TBC1D32: variants seen among roughly 807,000 people sequenced by gnomAD.
TBC1D32 encodes the protein TBC1 domain family member 32.
Under a neutral mutation model 170.3 loss-of-function variants are expected in TBC1D32, and 151 were observed. That is an observed-to-expected ratio of 0.89 (90% CI 0.78 to 1.01). The LOEUF (loss-of-function observed/expected upper bound fraction) is 1.01, where lower values mean the gene tolerates loss of function less well. TBC1D32 is among the 50% of genes least tolerant of loss of function. The pLI, the probability that TBC1D32 is intolerant of heterozygous loss-of-function variation, is 0.00. For synonymous variants in TBC1D32, 498 were observed against 488.0 expected, an observed-to-expected ratio of 1.02 and a Z score of -0.27; for missense variants, 1,464 against 1,457.1, an observed-to-expected ratio of 1.00 and a Z score of -0.08.
intron 4 of TBC1D32, among the ~76,000 whole-genome samples, chr6:121,309,051 G>A (rs557362388): frequency 6.6e-6 from 1 of 152,178 alleles, no homozygotes; most frequent in African/African-American, 2.4e-5. Flanking sequence ...CAGACACTCT[G>A]AACCAGGGCC....
chr6:121,241,799 T>C (rs1797014945), intron 18 of TBC1D32, among the ~76,000 whole-genome samples: 2 of 152,192 alleles, frequency 1.3e-5, no homozygotes, highest in South Asian at 4.1e-4. Context: ...TATTTAATAG[T>C]AGAATAATAG....
At chr6:121,082,296 C>T (rs1775718947) in intron 31 of TBC1D32, among the ~76,000 whole-genome samples, 1 of 151,962 alleles carries the variant, frequency 6.6e-6, no homozygotes, top group African/African-American at 2.4e-5. Context: ...ATTCCTGTCC[C>T]ATTAAAAATA....
At chr6:121,205,740 G>A (rs1355229122) in intron 21 of TBC1D32, among the ~76,000 whole-genome samples, 1 of 152,058 alleles carries the variant, frequency 6.6e-6, no homozygotes, top group East Asian at 1.9e-4. Flanking sequence ...AAATCACTAT[G>A]TCTAGGGGTG....
intron 20 of TBC1D32, among the ~76,000 whole-genome samples, chr6:121,227,782 G>T (rs1487119445): frequency 1.3e-5 from 2 of 151,818 alleles, no homozygotes; most frequent in Non-Finnish European, 2.9e-5. Context: ...TTCTTTTTTG[G>T]TGATGTTTTT....
chr6:121,150,164 CTTA>C (rs1562667246), intron 24 of TBC1D32, among the ~76,000 whole-genome samples: 1 of 152,112 alleles, frequency 6.6e-6, no homozygotes, highest in African/African-American at 2.4e-5. Context: ...ATAAATAACT[CTTA>C]TTATTTTGAG....
intron 24 of TBC1D32, among the ~76,000 whole-genome samples, chr6:121,135,197 T>A (rs1781912865): frequency 6.6e-6 from 1 of 152,062 alleles, no homozygotes; most frequent in Non-Finnish European, 1.5e-5. Flanking sequence ...AAATGAAAGC[T>A]CCTCCATAAT....
intron 22 of TBC1D32, among the ~76,000 whole-genome samples, chr6:121,173,765 C>G (rs547751916): frequency 6.6e-6 from 1 of 152,152 alleles, no homozygotes; most frequent in African/African-American, 2.4e-5. Context: ...CACACACATA[C>G]AAAATTTGGG....
chr6:121,308,335 T>A (rs957418810), intron 4 of TBC1D32, among the ~76,000 whole-genome samples: 2 of 151,804 alleles, frequency 1.3e-5, no homozygotes, highest in Non-Finnish European at 2.9e-5. Flanking sequence ...ATACTAAATG[T>A]GGTAGCAGAT....
Position 121,170,642 on chromosome 6 carries a change from GTATCA to G in TBC1D32, c.2571-9591_2571-9587del, listed in dbSNP as rs1562753884. The G allele has an allele frequency of 9.0e-5, 58 of 641,362 alleles. No homozygotes were observed. In the Admixed American group the frequency reaches 1.8e-3, roughly 20 times the overall value. 39.7% of individuals were successfully genotyped at this position (641,362 alleles called of 1,614,324 possible). On this transcript the variant is annotated intron_variant, in intron 22 of 31. Transcript: ENST00000398212. ...CATCAAAATCTAAATCTAACAGAAA[GTATCA>G]TTTAGTTATTTCAGATATATTTTTA...
At chr6:121,186,199 G>A (rs1240069728) in intron 22 of TBC1D32, among the ~76,000 whole-genome samples, 1 of 152,032 alleles carries the variant, frequency 6.6e-6, no homozygotes, top group Non-Finnish European at 1.5e-5. Flanking sequence ...TAAATCAATA[G>A]CAGAGTAAAT....
At chr6:121,189,473 T>G (rs895514932) in intron 22 of TBC1D32, among the ~76,000 whole-genome samples, 3 of 150,740 alleles carry the variant, frequency 2.0e-5, no homozygotes, top group African/African-American at 7.3e-5. Flanking sequence ...AATATTAATG[T>G]TCATTATATT....
intron 31 of TBC1D32, among the ~76,000 whole-genome samples, chr6:121,081,695 AG>A (rs954982658): frequency 3.3e-5 from 5 of 152,102 alleles, no homozygotes; most frequent in Non-Finnish European, 5.9e-5. Flanking sequence ...ATCATATACT[AG>A]ATACTGTGTT....
At chr6:121,272,958 A>G (rs1007476598) in intron 15 of TBC1D32, among the ~76,000 whole-genome samples, 2 of 152,232 alleles carry the variant, frequency 1.3e-5, no homozygotes, top group African/African-American at 2.4e-5. Context: ...TGTCCTTTGT[A>G]GGAACATGGA....
intron 24 of TBC1D32, among the ~76,000 whole-genome samples, chr6:121,147,584 TA>T (rs1255489394): frequency 6.7e-6 from 1 of 149,264 alleles, no homozygotes. Flanking sequence ...GCATTTTTAA[TA>T]TTTTTTTATT....
intron 15 of TBC1D32, among the ~76,000 whole-genome samples, chr6:121,266,225 G>A (rs1292877211): frequency 6.6e-6 from 1 of 151,810 alleles, no homozygotes; most frequent in Non-Finnish European, 1.5e-5. Context: ...AAATTTACAA[G>A]AAAAAAATAA....
chr6:121,182,059 A>C (rs1209246511), intron 22 of TBC1D32, among the ~76,000 whole-genome samples: 2 of 152,098 alleles, frequency 1.3e-5, no homozygotes, highest in Non-Finnish European at 2.9e-5. Flanking sequence ...GTAAAAACCC[A>C]AAAATATATA....
At chr6:121,269,587 T>C (rs1233432811) in intron 15 of TBC1D32, among the ~76,000 whole-genome samples, 2 of 152,134 alleles carry the variant, frequency 1.3e-5, no homozygotes, top group Non-Finnish European at 2.9e-5. Context: ...ATGTACCCAA[T>C]ACAGGAGCAC....
chr6:121,096,319 CCTT>C (rs1227185332), intron 30 of TBC1D32: 2 of 152,036 alleles, frequency 1.3e-5, no homozygotes, highest in African/African-American at 4.8e-5. Context: ...CCCAAAATCT[CCTT>C]AAGCTGATAA....
At chr6:121,213,467 A>AACATAACATAACATAACATAACATAAC (rs200847552) in intron 21 of TBC1D32, among the ~76,000 whole-genome samples, 1 of 44,762 alleles carries the variant, frequency 2.2e-5, no homozygotes, top group Non-Finnish European at 4.0e-5. Context: ...CAAAAATAAT[A>AACATAACATAACATAACATAACATAAC]ATAAAATAAA....
Sources: allele counts gnomAD v4.1 joint callset (sites outside exome capture counted in the v4.1 genomes callset), GRCh38; gene constraint gnomAD v4.1.1; transcripts MANE v1.5; gene names NCBI Gene and HGNC (gene_info 2026-07-23, HGNC 2026-07-21).